Variants in ZNF26 observed in about 807,000 individuals in gnomAD.
ZNF26 encodes the protein zinc finger protein 26.
A neutral mutation model predicts 54.9 loss-of-function variants in ZNF26; 32 were observed. The observed-to-expected ratio is 0.58, with a 90% confidence interval of 0.44 to 0.78. ZNF26 has a LOEUF of 0.78. ZNF26 is among the 30% of genes least tolerant of loss of function. ZNF26 has a pLI of 0.00. For missense variants in ZNF26, 524 were observed against 634.0 expected (o/e 0.83, Z 1.86); for synonymous variants, 221 against 209.2 (o/e 1.06, Z -0.49).
Position 133,001,663 on chromosome 12 carries a change from A to G in ZNF26, c.34-5379A>G. 1 of 1,289,034 alleles carries G rather than the reference A, an allele frequency of 7.8e-7. No individual in the cohort carries two copies. The highest frequency in any genetic ancestry group is 1.0e-6 in the Non-Finnish European group (1 of 988,680). The allele number at this position is 1,289,034 out of a possible 1,614,324, so 79.8% of individuals were successfully genotyped here. On this transcript the variant is annotated intron_variant, in intron 1 of 3. Transcript: ENST00000328654. This position sits in a 1 kb window ranked among gnomAD's most constrained non-coding sequence, Gnocchi z 4.7. ...GCTGCTGAGGAGGAGCCTGCTAATG[A>G]GCTCAAGTGTCAAGTTCGGGAATCT...
chr12:132,992,271 T>A lies in ZNF26; in HGVS notation c.33+5398T>A, dbSNP rs1952981037. Reference sequence around the variant, plus strand: ...TGTTTGAGAAAGACTTTTTTTTACTTTTGAAGGATAATTTTGCAGGGTACA... The same window carrying A: ...TGTTTGAGAAAGACTTTTTTTTACTATTGAAGGATAATTTTGCAGGGTACA... On this transcript the variant is annotated intron_variant, in intron 1 of 3. Coordinates refer to ENST00000328654, the MANE Select transcript of ZNF26 (RefSeq NM_019591.4). 5.9e-5 allele frequency among the ~76,000 whole-genome samples: 9 copies of A among 152,294 alleles called. No individual in the cohort carries two copies. In the South Asian group the frequency reaches 1.9e-3, roughly 32 times the overall value.
chr12:132,999,562 G>GT (rs1953166585), intron 1 of ZNF26, among the ~76,000 whole-genome samples: 1 of 151,816 alleles, frequency 6.6e-6, no homozygotes. Context: ...GCCGCCATGT[G>GT]TTTTTAAAGA....
intron 1 of ZNF26, among the ~76,000 whole-genome samples, chr12:132,993,982 A>G (rs1953020186): frequency 2.6e-5 from 4 of 151,842 alleles, no homozygotes; most frequent in Admixed American, 2.6e-4. Context: ...CCCCCACCCC[A>G]TCTCTTAGAT....
Position 132,986,778 on chromosome 12 carries a change from C to A in ZNF26, c.-63C>A, listed in dbSNP as rs1437465663. On this transcript the variant is annotated 5_prime_UTR_variant, in exon 1 of 4. Coordinates refer to ENST00000328654, the MANE Select transcript of ZNF26 (RefSeq NM_019591.4). ...CCTGTCTTCGGGCGGACGCATCCCT[C>A]ACGGTCTCTCCGCAGCCCGCGGGTC... 24 of 1,550,522 alleles carry A rather than the reference C, an allele frequency of 1.5e-5. No homozygotes were observed. The South Asian group carries it at 2.6e-4, about 17-fold the overall frequency.
rs1317961528 is a variant in ZNF26 at position 133,026,880 on chromosome 12, A to G, written c.*15399A>G. Reference sequence around the variant, plus strand: ...AAGATAATTCAATATTAAAGTTTATATATTTATCATTTTAACCAAATAATG... The same window carrying G: ...AAGATAATTCAATATTAAAGTTTATGTATTTATCATTTTAACCAAATAATG... On this transcript the variant is annotated 3_prime_UTR_variant, in exon 4 of 4. Coordinates refer to ENST00000328654, the MANE Select transcript of ZNF26 (RefSeq NM_019591.4). 6 of 152,348 alleles carry G rather than the reference A, an allele frequency of 3.9e-5. No individual in the cohort carries two copies. In the East Asian group the frequency reaches 5.8e-4, roughly 15 times the overall value. 9.4% of individuals were successfully genotyped at this position (152,348 alleles called of 1,614,324 possible). A position where few individuals can be genotyped will look rare whatever the true frequency, so the allele number is the denominator to read the frequency against.
intron 2 of ZNF26, 73 bp downstream of exon 2, chr12:133,007,241 C>T: frequency 6.4e-7 from 1 of 1,552,912 alleles, no homozygotes; most frequent in Non-Finnish European, 8.8e-7. Context: ...TGTTGAACTA[C>T]TCCGGGATCT....
Position 133,001,203 on chromosome 12 carries a change from C to T in ZNF26, c.34-5839C>T, listed in dbSNP as rs1211925455. On this transcript the variant is annotated intron_variant, in intron 1 of 3. Transcript: ENST00000328654. This position sits in a 1 kb window ranked among gnomAD's most constrained non-coding sequence, Gnocchi z 4.7. Reference sequence around the variant, plus strand: ...TTCCTGTCAGCCCTTCCCTAGTGCTCGTCGTGAGGAGAGCTGATGATGCTC... The same window carrying T: ...TTCCTGTCAGCCCTTCCCTAGTGCTTGTCGTGAGGAGAGCTGATGATGCTC... Among the ~76,000 whole-genome samples the T allele has an allele frequency of 2.0e-5, 3 of 152,224 alleles. No homozygotes were observed. The highest frequency in any genetic ancestry group is 1.9e-4 in the East Asian group (1 of 5,174).
In ZNF26 at chr12:133,017,149, C is replaced by T. The variant is rs1295526173; in HGVS notation, c.*5668C>T. 2 of 151,990 alleles carry T rather than the reference C, an allele frequency of 1.3e-5. No individual in the cohort carries two copies. The highest frequency in any genetic ancestry group is 2.4e-5 in the African/African-American group (1 of 41,348). The allele number at this position is 151,990 out of a possible 1,614,324, so 9.4% of individuals were successfully genotyped here. A position where few individuals can be genotyped will look rare whatever the true frequency, so the allele number is the denominator to read the frequency against. ...AATTATAAGATGTAATTTGATGGTA[C>T]AAAAATATGGAAATAAGCCCCAGAA... is the stretch of plus-strand genomic sequence containing the variant. On this transcript the variant is annotated 3_prime_UTR_variant, in exon 4 of 4. Transcript: ENST00000328654.
intron 1 of ZNF26, among the ~76,000 whole-genome samples, chr12:132,993,160 G>C (rs919260859): frequency 1.9e-4 from 29 of 151,542 alleles, no homozygotes; most frequent in Non-Finnish European, 4.0e-4. Context: ...GAGTAGCTGG[G>C]ACTACAGGTG....
rs1327026864 is a variant in ZNF26, at chr12:133,001,204, G to A, written c.34-5838G>A. 6.6e-6 allele frequency among the ~76,000 whole-genome samples: 1 copy of A among 152,084 alleles called. No individual in the cohort carries two copies. Among genetic ancestry groups the A allele is most frequent in the African/African-American group, 2.4e-5 (1 of 41,414 alleles). On this transcript the variant is annotated intron_variant, in intron 1 of 3. Transcript: ENST00000328654. The surrounding 1 kb of genome is among the most constrained non-coding windows in gnomAD (Gnocchi z 4.7). Reference sequence around the variant, plus strand: ...TCCTGTCAGCCCTTCCCTAGTGCTCGTCGTGAGGAGAGCTGATGATGCTCT... The same window carrying A: ...TCCTGTCAGCCCTTCCCTAGTGCTCATCGTGAGGAGAGCTGATGATGCTCT...
intron 1 of ZNF26, among the ~76,000 whole-genome samples, chr12:132,996,216 G>A (rs1223253150): frequency 1.3e-5 from 2 of 152,136 alleles, no homozygotes; most frequent in African/African-American, 4.8e-5. Flanking sequence ...CTCAACAGAT[G>A]TCCCATGGGG....
intron 3 of ZNF26, among the ~76,000 whole-genome samples, chr12:133,008,099 T>C (rs1953373603): frequency 6.6e-6 from 1 of 152,156 alleles, no homozygotes; most frequent in Admixed American, 6.6e-5. Context: ...TCCGAAGGTT[T>C]ACGCTTTCCC....
At chr12:133,000,366 C>G (rs955722621) in intron 1 of ZNF26, among the ~76,000 whole-genome samples, 6 of 151,666 alleles carry the variant, frequency 4.0e-5, no homozygotes, top group African/African-American at 1.5e-4. Flanking sequence ...ATTCTCCTGC[C>G]TCAGCCTCCC....
In ZNF26 at chr12:133,013,475, C is replaced by A. The variant is rs1440807129; in HGVS notation, c.*1994C>A. 6.5e-6 allele frequency: 1 copy of A among 153,308 alleles called. No homozygotes were observed. Among genetic ancestry groups the A allele is most frequent in the Non-Finnish European group, 1.5e-5 (1 of 68,576 alleles). The allele number at this position is 153,308 out of a possible 1,614,324, so 9.5% of individuals were successfully genotyped here. On this transcript the variant is annotated 3_prime_UTR_variant, in exon 4 of 4. Coordinates refer to ENST00000328654, the MANE Select transcript of ZNF26 (RefSeq NM_019591.4). ...TTTGAATAGGAATATCTGGGAAGAACCTGAGGACTCAGCCTAGCAAGCTCT... is the reference window on the plus strand; with the variant it reads ...TTTGAATAGGAATATCTGGGAAGAAACTGAGGACTCAGCCTAGCAAGCTCT...
chr12:133,009,185 A>C (rs1953411930), intron 3 of ZNF26, among the ~76,000 whole-genome samples: 1 of 152,228 alleles, frequency 6.6e-6, no homozygotes, highest in East Asian at 1.9e-4. Flanking sequence ...TCAAATTATT[A>C]TCTCATTCTG....
At chr12:132,989,854 T>G (rs1380233287) in intron 1 of ZNF26, among the ~76,000 whole-genome samples, 3 of 152,212 alleles carry the variant, frequency 2.0e-5, no homozygotes, top group Non-Finnish European at 4.4e-5. Context: ...GTGGGAAAGC[T>G]TCAAGTTTCT....
Position 133,001,570 on chromosome 12 carries a change from T to C in ZNF26, c.34-5472T>C, listed in dbSNP as rs1953219831. The C allele has an allele frequency of 5.3e-6, 5 of 952,224 alleles. No individual in the cohort carries two copies. In the South Asian group the frequency reaches 6.9e-5, roughly 13 times the overall value. The allele number at this position is 952,224 out of a possible 1,614,324, so 59.0% of individuals were successfully genotyped here. ...TGGTGTATGTGATTCTTTCTCTCAC[T>C]GCATGCAGACTCACCCAGAAGTCCA... On this transcript the variant is annotated intron_variant, in intron 1 of 3. Transcript: ENST00000328654. This position sits in a 1 kb window ranked among gnomAD's most constrained non-coding sequence, Gnocchi z 4.7.
Position 133,013,657 on chromosome 12 carries a change from A to G in ZNF26, c.*2176A>G, listed in dbSNP as rs1476252521. The G allele has an allele frequency of 6.2e-6, 1 of 162,256 alleles. No homozygotes were observed. The highest frequency in any genetic ancestry group is 2.4e-5 in the African/African-American group (1 of 41,420). The allele number at this position is 162,256 out of a possible 1,614,324, so 10.1% of individuals were successfully genotyped here. ...CTTTGAATAGGAGTATCTGGGAAGA[A>G]CCTGAGGACTCAGCCTAGCAAACTC... On this transcript the variant is annotated 3_prime_UTR_variant, in exon 4 of 4. Transcript: ENST00000328654.
intron 1 of ZNF26, among the ~76,000 whole-genome samples, chr12:132,988,267 C>T (rs1952870750): frequency 6.6e-6 from 1 of 151,716 alleles, no homozygotes; most frequent in Non-Finnish European, 1.5e-5. Flanking sequence ...GGCAGGATCT[C>T]ACTCTGTTGC....
Sources: allele counts gnomAD v4.1 joint callset (sites outside exome capture counted in the v4.1 genomes callset), GRCh38; gene constraint gnomAD v4.1.1; non-coding constraint Gnocchi (gnomAD v3.1); transcripts MANE v1.5; gene names NCBI Gene and HGNC (gene_info 2026-07-23, HGNC 2026-07-21).